The following ABCG2 variants were observed in gnomAD, a reference collection of about 807,000 sequenced individuals.
ABCG2 encodes ATP binding cassette subfamily G member 2 (JR blood group).
In ABCG2, 80 loss-of-function variants were observed where a neutral mutation model predicts 73.5. That is an observed-to-expected ratio of 1.09 (90% confidence interval 0.91 to 1.31). The LOEUF (loss-of-function observed/expected upper bound fraction) is 1.31, where lower values mean the gene tolerates loss of function less well. Ranked by LOEUF, ABCG2 falls within the 50% of genes most tolerant of loss-of-function variation. ABCG2 has a pLI of 0.00. For synonymous variants in ABCG2, 269 were observed against 282.4 expected, an observed-to-expected ratio of 0.95 and a Z score of 0.48; for missense variants, 796 against 786.2, an observed-to-expected ratio of 1.01 and a Z score of -0.15.
At chr4:88,181,398 C>CAAAAAAA (rs57417105) in intron 1 of ABCG2, among the ~76,000 whole-genome samples, 100 of 96,836 alleles carry the variant, frequency 1.0e-3, no homozygotes, top group African/African-American at 1.5e-3. Context: ...GACTCCATCT[C>CAAAAAAA]AAAAAAAAAA....
intron 3 of ABCG2, 38 bp downstream of exon 3, chr4:88,132,538 T>G: frequency 6.2e-7 from 1 of 1,610,034 alleles, no homozygotes; most frequent in Non-Finnish European, 8.5e-7. Context: ...ACATTAAAAG[T>G]GCACAGAAAA....
At chr4:88,143,232 A>G (rs754066032) in intron 1 of ABCG2, among the ~76,000 whole-genome samples, 16 of 152,026 alleles carry the variant, frequency 1.1e-4, no homozygotes, top group Non-Finnish European at 2.1e-4. Flanking sequence ...AGGGATCTCT[A>G]GAGATAACTG....
In ABCG2 at chr4:88,229,142, C is replaced by A. The variant is rs180884619; in HGVS notation, c.-20+1852G>T. Among the ~76,000 whole-genome samples the A allele has an allele frequency of 1.5e-3, 229 of 152,324 alleles. 1 individual carries two copies. Among genetic ancestry groups the A allele is most frequent in the Non-Finnish European group, 9.7e-4 (66 of 68,032 alleles). The stretch of plus-strand genomic sequence containing the variant: ...CTGCTCACTCTTTGGGTCCGCACTA[C>A]CTTTGTGAGCCATAACACTTGCTGC... On this transcript the variant is annotated intron_variant, in intron 1 of 15. Coordinates refer to the ABCG2 transcript ENST00000515655.
intron 1 of ABCG2, among the ~76,000 whole-genome samples, chr4:88,147,021 GAA>G (rs1391076035): frequency 9.3e-6 from 1 of 107,670 alleles, no homozygotes; most frequent in Non-Finnish European, 1.8e-5. Flanking sequence ...GAAAAGGAAA[GAA>G]AGAAAGAAAG....
chr4:88,208,303 G>T (rs1729457082), intron 1 of ABCG2, among the ~76,000 whole-genome samples: 1 of 152,168 alleles, frequency 6.6e-6, no homozygotes, highest in Non-Finnish European at 1.5e-5. Context: ...TACATAGCTG[G>T]ATGATAAGGG....
chr4:88,203,816 A>G (rs1729277992), intron 1 of ABCG2, among the ~76,000 whole-genome samples: 1 of 151,768 alleles, frequency 6.6e-6, no homozygotes, highest in South Asian at 2.1e-4. Flanking sequence ...TAAACATGAG[A>G]AGGCAAAAGG....
intron 1 of ABCG2, among the ~76,000 whole-genome samples, chr4:88,169,139 G>T (rs1727656338): frequency 6.6e-6 from 1 of 151,152 alleles, no homozygotes. Flanking sequence ...ATGGCCTCCT[G>T]GGTTCAAGCA....
chr4:88,095,944 C>T (rs1430265310), intron 13 of ABCG2, among the ~76,000 whole-genome samples: 2 of 152,190 alleles, frequency 1.3e-5, no homozygotes, highest in Non-Finnish European at 2.9e-5. Context: ...GAAGCACTGA[C>T]TATTCTAATG....
chr4:88,158,958 G>T, upstream of ABCG2: 1 of 348,638 alleles, frequency 2.9e-6, no homozygotes, highest in South Asian at 2.1e-5. Flanking sequence ...GGGTTCGCGG[G>T]CGGGGGTGAG....
chr4:88,121,524 C>G (rs995942346), intron 6 of ABCG2, 111 bp downstream of exon 6: 17 of 1,049,342 alleles, frequency 1.6e-5, no homozygotes, highest in African/African-American at 3.2e-5. Context: ...TTCACTCCAA[C>G]AGAAGAGGAA....
intron 12 of ABCG2, among the ~76,000 whole-genome samples, chr4:88,098,685 T>TAGATAGAC (rs1273271669): frequency 0.011 from 1,645 of 151,552 alleles, 11 homozygotes; most frequent in African/African-American, 0.021. Flanking sequence ...GATAGATAGA[T>TAGATAGAC]AGACAGATAG....
chr4:88,200,847 T>C (rs1310600531), intron 1 of ABCG2, among the ~76,000 whole-genome samples: 1 of 152,136 alleles, frequency 6.6e-6, no homozygotes, highest in Non-Finnish European at 1.5e-5. Context: ...AACAGATAAC[T>C]GGTTAAAATA....
At chr4:88,181,669 T>C (rs975450196) in intron 1 of ABCG2, among the ~76,000 whole-genome samples, 2 of 152,112 alleles carry the variant, frequency 1.3e-5, no homozygotes, top group African/African-American at 4.8e-5. Flanking sequence ...AGGTTGGGGT[T>C]GCAGGTAGCT....
chr4:88,182,888 A>G (rs1287129438), intron 1 of ABCG2, among the ~76,000 whole-genome samples: 1 of 151,976 alleles, frequency 6.6e-6, no homozygotes, highest in South Asian at 2.1e-4. Context: ...GATTGAGATC[A>G]TCCTGGCTAA....
At chr4:88,193,570 A>G (rs1224075585) in intron 1 of ABCG2, among the ~76,000 whole-genome samples, 1 of 152,156 alleles carries the variant, frequency 6.6e-6, no homozygotes, top group Non-Finnish European at 1.5e-5. Flanking sequence ...TAAAACAAAA[A>G]GTATCTGAAT....
At chr4:88,173,015 C>T (rs898023367) in intron 1 of ABCG2, among the ~76,000 whole-genome samples, 1 of 152,132 alleles carries the variant, frequency 6.6e-6, no homozygotes, top group Non-Finnish European at 1.5e-5. Flanking sequence ...TTAGTGGACT[C>T]ATCTAAACAT....
At chr4:88,133,677 G>C (rs1014316273) in intron 2 of ABCG2, among the ~76,000 whole-genome samples, 8 of 152,206 alleles carry the variant, frequency 5.3e-5, no homozygotes, top group Non-Finnish European at 1.0e-4. Flanking sequence ...AAGATAGCAA[G>C]TAGAATGATA....
chr4:88,110,856 T>C (rs1306891604), intron 9 of ABCG2, among the ~76,000 whole-genome samples: 1 of 152,058 alleles, frequency 6.6e-6, no homozygotes, highest in Non-Finnish European at 1.5e-5. Flanking sequence ...CCTAAGCTAA[T>C]ATTCCAGTTT....
At chr4:88,113,977 TA>T (rs1387654757) in intron 8 of ABCG2, among the ~76,000 whole-genome samples, 3 of 150,840 alleles carry the variant, frequency 2.0e-5, no homozygotes, top group Admixed American at 6.6e-5. Flanking sequence ...AAAGAAAAAA[TA>T]GAAATAAAAA....
Sources: allele counts gnomAD v4.1 joint callset (sites outside exome capture counted in the v4.1 genomes callset), GRCh38; gene constraint gnomAD v4.1.1; transcripts MANE v1.5; gene names NCBI Gene and HGNC (gene_info 2026-07-23, HGNC 2026-07-21).